GALNT16: variants seen among roughly 807,000 people sequenced by gnomAD.
The protein encoded by GALNT16 is UDP-GalNAc:polypeptide N-acetylgalactosaminyltransferase-like protein 1.
In GALNT16, 40 loss-of-function variants were observed where a neutral mutation model predicts 76.1. The ratio of observed to expected loss-of-function variants is 0.53; its 90% confidence interval spans 0.41 to 0.68. GALNT16 has a LOEUF of 0.68. Among genes scored for constraint, GALNT16 ranks in the 30% least tolerant of loss-of-function variants. GALNT16 has a pLI of 0.00. For missense variants in GALNT16, 621 were observed against 731.9 expected (o/e 0.85, Z 1.75); for synonymous variants, 276 against 285.2 (o/e 0.97, Z 0.32).
chr14:69,322,975 TGTGTGTGC>T (rs1471990187), intron 2 of GALNT16, among the ~76,000 whole-genome samples: 20 of 44,314 alleles, frequency 4.5e-4, no homozygotes, highest in African/African-American at 2.6e-3. Flanking sequence ...TGTGTGTGTG[TGTGTGTGC>T]GCGCGCACGC....
intron 1 of GALNT16, among the ~76,000 whole-genome samples, chr14:69,309,818 G>C (rs1302163039): frequency 6.6e-6 from 1 of 152,048 alleles, no homozygotes; most frequent in Non-Finnish European, 1.5e-5. Context: ...TTAAGTCTTT[G>C]TATAGTGTTT....
At chr14:69,358,730 A>G (rs1300311206), downstream of GALNT16, 1 of 152,360 alleles carries the variant, frequency 6.6e-6, no homozygotes, top group East Asian at 1.9e-4. Flanking sequence ...TCAAGCCCAC[A>G]GTGGTATACT....
chr14:69,309,060 T>C (rs1429699195), intron 1 of GALNT16, among the ~76,000 whole-genome samples: 2 of 152,230 alleles, frequency 1.3e-5, no homozygotes, highest in African/African-American at 4.8e-5. Flanking sequence ...GCATTTTTAT[T>C]TAGTCATTAA....
At chr14:69,307,443 C>T (rs1015097679) in intron 1 of GALNT16, among the ~76,000 whole-genome samples, 6 of 152,116 alleles carry the variant, frequency 3.9e-5, no homozygotes, top group Non-Finnish European at 8.8e-5. Flanking sequence ...GATATTGTTC[C>T]GGCTCATTTG....
At chr14:69,289,270 A>G (rs1047120783) in intron 1 of GALNT16, among the ~76,000 whole-genome samples, 1 of 152,142 alleles carries the variant, frequency 6.6e-6, no homozygotes, top group African/African-American at 2.4e-5. Flanking sequence ...TGTGGAAGTC[A>G]TTATGTAACA....
chr14:69,263,842 T>C (rs2044307019), intron 1 of GALNT16, among the ~76,000 whole-genome samples: 1 of 152,240 alleles, frequency 6.6e-6, no homozygotes, highest in African/African-American at 2.4e-5. Context: ...ATTCCATCCC[T>C]ATATGGCTGC....
chr14:69,319,108 C>T (rs999529720), intron 1 of GALNT16, among the ~76,000 whole-genome samples: 7 of 152,256 alleles, frequency 4.6e-5, no homozygotes, highest in African/African-American at 1.7e-4. Context: ...GCATCTGTGT[C>T]TAGCATGGGG....
the GALNT16 span, among the ~76,000 whole-genome samples, chr14:69,374,425 A>T: frequency 6.6e-6 from 1 of 152,162 alleles, no homozygotes; most frequent in Non-Finnish European, 1.5e-5. Context: ...GTTTAGTCAG[A>T]TTCTATCACT....
chr14:69,377,087 C>G, the GALNT16 span, among the ~76,000 whole-genome samples: 1 of 152,154 alleles, frequency 6.6e-6, no homozygotes, highest in African/African-American at 2.4e-5. Flanking sequence ...CTTGATGATG[C>G]TGGGCTGGCA....
At chr14:69,373,776 C>T in the GALNT16 span, among the ~76,000 whole-genome samples, 1 of 150,882 alleles carries the variant, frequency 6.6e-6, no homozygotes, top group African/African-American at 2.4e-5. Flanking sequence ...CTCTTTCTCT[C>T]TTTCCTTTTT....
At chr14:69,313,936 C>T (rs1254487214) in intron 1 of GALNT16, among the ~76,000 whole-genome samples, 1 of 152,210 alleles carries the variant, frequency 6.6e-6, no homozygotes, top group Admixed American at 6.5e-5. Flanking sequence ...CTCGTAGTTC[C>T]AAGATCCTGT....
At chr14:69,328,143 A>G (rs1029661992) in intron 5 of GALNT16, among the ~76,000 whole-genome samples, 2 of 152,112 alleles carry the variant, frequency 1.3e-5, no homozygotes, top group Non-Finnish European at 2.9e-5. Context: ...TTTGGGATCA[A>G]ACTACTTTAT....
At chr14:69,288,279 C>A (rs752121499) in intron 1 of GALNT16, among the ~76,000 whole-genome samples, 1 of 152,166 alleles carries the variant, frequency 6.6e-6, no homozygotes, top group Non-Finnish European at 1.5e-5. Flanking sequence ...TCCAGCATCC[C>A]GGCAGGACTC....
the GALNT16 span, among the ~76,000 whole-genome samples, chr14:69,379,897 C>T: frequency 2.8e-4 from 42 of 152,216 alleles, no homozygotes; most frequent in African/African-American, 8.2e-4. Context: ...ATAACGTTTG[C>T]GTCAATAGTA....
chr14:69,369,018 C>T, the GALNT16 span, among the ~76,000 whole-genome samples: 1 of 152,188 alleles, frequency 6.6e-6, no homozygotes, highest in Admixed American at 6.5e-5. Context: ...ACTCAATAAA[C>T]TATACCCCTC....
intron 1 of GALNT16, among the ~76,000 whole-genome samples, chr14:69,318,367 AG>A (rs762538081): frequency 1.3e-5 from 2 of 152,228 alleles, no homozygotes; most frequent in Non-Finnish European, 2.9e-5. Context: ...CATGGCCCTG[AG>A]GAAGCCTTGA....
At chr14:69,369,359 G>T in the GALNT16 span, among the ~76,000 whole-genome samples, 9 of 152,212 alleles carry the variant, frequency 5.9e-5, no homozygotes, top group Non-Finnish European at 8.8e-5. Context: ...GAGAGACAAA[G>T]ATAAAAGCAA....
chr14:69,261,806 G>A lies in GALNT16; in HGVS notation c.177+1339G>A, dbSNP rs1363819280. ...GCTTTGCCTGAGGAGACCTGGGGCG[G>A]GGGGGTGAGGTTGTGGGTTTTGTCC... On this transcript the variant is annotated intron_variant, in intron 1 of 14. Coordinates refer to ENST00000448469, the MANE Select transcript of GALNT16 (RefSeq NM_001168368.2). This position sits in a 1 kb window ranked among gnomAD's most constrained non-coding sequence, Gnocchi z 6.4. 6.6e-6 allele frequency among the ~76,000 whole-genome samples: 1 copy of A among 152,174 alleles called. No homozygotes were observed. The highest frequency in any genetic ancestry group is 2.1e-4 in the South Asian group (1 of 4,824).
At chr14:69,385,603 A>G in the GALNT16 span, among the ~76,000 whole-genome samples, 11 of 150,372 alleles carry the variant, frequency 7.3e-5, no homozygotes, top group Non-Finnish European at 1.0e-4. Context: ...TCCAGCTACA[A>G]CCCCATTTTT....
Sources: gnomAD v4.1 joint callset for allele counts (sites outside exome capture counted in the v4.1 genomes callset) on GRCh38, gnomAD v4.1.1 for gene constraint, Gnocchi (gnomAD v3.1) non-coding constraint, MANE v1.5 for transcripts, NCBI Gene and HGNC (gene_info 2026-07-23, HGNC 2026-07-21) for gene names.